Variants in KCNMA1 observed in about 807,000 individuals in gnomAD.
KCNMA1 encodes the protein potassium calcium-activated channel subfamily M alpha 1.
A neutral mutation model predicts 140.0 loss-of-function variants in KCNMA1; 29 were observed. The ratio of observed to expected loss-of-function variants is 0.21; its 90% CI spans 0.15 to 0.28. The LOEUF (loss-of-function observed/expected upper bound fraction) is 0.28, where lower values mean the gene tolerates loss of function less well. KCNMA1 is among the 10% of genes least tolerant of loss of function. KCNMA1 has a pLI of 1.00. For missense variants in KCNMA1, 880 were observed against 1,602.2 expected (o/e 0.55, Z 7.70); for synonymous variants, 612 against 611.9 (o/e 1.00, Z 0.00).
chr10:77,460,632 A>G (rs774032116), intron 1 of KCNMA1, among the ~76,000 whole-genome samples: 8 of 152,174 alleles, frequency 5.3e-5, no homozygotes, highest in Admixed American at 2.0e-4. Context: ...AGGGAACTGG[A>G]GGCCGTTATC....
chr10:76,959,594 C>T (rs552648819), intron 20 of KCNMA1, among the ~76,000 whole-genome samples: 42 of 152,270 alleles, frequency 2.8e-4, no homozygotes, highest in African/African-American at 9.9e-4. Flanking sequence ...GGTTATCATC[C>T]TTTATACTTT....
intron 1 of KCNMA1, among the ~76,000 whole-genome samples, chr10:77,501,656 C>T (rs971958598): frequency 6.6e-6 from 1 of 152,212 alleles, no homozygotes; most frequent in African/African-American, 2.4e-5. Flanking sequence ...GAGGCTGACC[C>T]GATCTGGGCC....
chr10:77,057,307 C>G (rs2153655132), intron 14 of KCNMA1, among the ~76,000 whole-genome samples: 1 of 152,214 alleles, frequency 6.6e-6, no homozygotes, highest in Admixed American at 6.5e-5. Context: ...ATTCTATATC[C>G]ACCAAAATGT....
At chr10:77,369,894 C>T (rs1566333360) in intron 2 of KCNMA1, among the ~76,000 whole-genome samples, 1 of 152,214 alleles carries the variant, frequency 6.6e-6, no homozygotes, top group Non-Finnish European at 1.5e-5. Flanking sequence ...ATCCATCTCA[C>T]ATACCTGCTG....
At chr10:77,293,298 C>G (rs1316409945) in intron 2 of KCNMA1, among the ~76,000 whole-genome samples, 1 of 152,114 alleles carries the variant, frequency 6.6e-6, no homozygotes. Context: ...CAGGCATATC[C>G]CCATCTTGAA....
rs1555337767 is a variant in KCNMA1, at chr10:77,439,149, A to AGAGAAGAG, written c.379-35127_379-35126insCTCTTCTC. ...AGAGAAGAGAAGAGAAGAGAAGAGA[A>AGAGAAGAG]AAGAGAAGAGAAGAAAAGAAAAGAG... On this transcript the variant is annotated intron_variant, in intron 1 of 27. Transcript: ENST00000286628. 5.0e-3 allele frequency among the ~76,000 whole-genome samples: 423 copies of AGAGAAGAG among 85,256 alleles called. 5 individuals are homozygous for AGAGAAGAG. The highest frequency in any genetic ancestry group is 0.012 in the African/African-American group (262 of 22,516). 55.9% of individuals were successfully genotyped at this position (85,256 alleles called of 152,430 possible).
rs543449959 is a variant in KCNMA1 at position 77,206,163 on chromosome 10, C to T, written c.603-21247G>A. Among the ~76,000 whole-genome samples the T allele has an allele frequency of 7.2e-5, 11 of 152,172 alleles. No individual in the cohort carries two copies. The South Asian group carries it at 2.3e-3, about 32-fold the overall frequency. On this transcript the variant is annotated intron_variant, in intron 3 of 27. Transcript: ENST00000286628. ...AGCTTAAGAACAATCTCTTTACATA[C>T]AAAATACTTTTTCTCAGTTAAAAAA...
intron 2 of KCNMA1, among the ~76,000 whole-genome samples, chr10:77,333,431 AAAGAAAAGAG>A (rs1566041942): frequency 1.3e-5 from 2 of 151,576 alleles, no homozygotes; most frequent in African/African-American, 2.4e-5. Context: ...AAAGAGAAGA[AAAGAAAAGAG>A]AAGAAAAGAA....
intron 3 of KCNMA1, among the ~76,000 whole-genome samples, chr10:77,210,572 G>C (rs1305904551): frequency 5.3e-5 from 8 of 152,018 alleles, no homozygotes; most frequent in Non-Finnish European, 1.2e-4. Context: ...TGAGCAACCA[G>C]GCAAGAGAAA....
chr10:76,920,347 G>A (rs939006191), intron 23 of KCNMA1, among the ~76,000 whole-genome samples: 2 of 151,910 alleles, frequency 1.3e-5, no homozygotes, highest in Admixed American at 6.6e-5. Flanking sequence ...TTTTGCTCAC[G>A]TAATAACTTC....
At chr10:77,377,442 T>G (rs1221143712) in intron 2 of KCNMA1, among the ~76,000 whole-genome samples, 1 of 152,008 alleles carries the variant, frequency 6.6e-6, no homozygotes, top group Admixed American at 6.6e-5. Flanking sequence ...GATTTTCCAG[T>G]AGGGAAGTGG....
At chr10:77,543,691 A>G (rs957521661) in intron 1 of KCNMA1, among the ~76,000 whole-genome samples, 2 of 152,232 alleles carry the variant, frequency 1.3e-5, no homozygotes, top group African/African-American at 4.8e-5. Context: ...GTAAACTAGA[A>G]CAGAAAGAAT....
intron 1 of KCNMA1, among the ~76,000 whole-genome samples, chr10:77,468,186 T>C (rs551792980): frequency 6.6e-6 from 1 of 152,198 alleles, no homozygotes; most frequent in South Asian, 2.1e-4. Flanking sequence ...TTTTGTATTT[T>C]TGGTAGAGAC....
At chr10:77,180,994 C>T (rs554518836) in intron 5 of KCNMA1, among the ~76,000 whole-genome samples, 2 of 152,270 alleles carry the variant, frequency 1.3e-5, no homozygotes, top group Admixed American at 6.5e-5. Flanking sequence ...TAAAATGCTT[C>T]AGGGAACGTG....
At chr10:76,898,068 G>A (rs2043368566) in intron 25 of KCNMA1, among the ~76,000 whole-genome samples, 1 of 151,752 alleles carries the variant, frequency 6.6e-6, no homozygotes, top group African/African-American at 2.4e-5. Context: ...ATAGAAGCAT[G>A]TAAAAAACAT....
At chr10:77,563,465 G>T (rs2067076991) in intron 1 of KCNMA1, among the ~76,000 whole-genome samples, 1 of 152,026 alleles carries the variant, frequency 6.6e-6, no homozygotes, top group African/African-American at 2.4e-5. Context: ...CGAGAGTCCA[G>T]GCTACCCAGA....
At chr10:77,495,570 T>C (rs775528651) in intron 1 of KCNMA1, among the ~76,000 whole-genome samples, 5 of 152,194 alleles carry the variant, frequency 3.3e-5, no homozygotes, top group Non-Finnish European at 5.9e-5. Context: ...TTCTCATTCA[T>C]GAAAGGGAGA....
At chr10:77,436,200 T>G (rs900125891) in intron 1 of KCNMA1, among the ~76,000 whole-genome samples, 1 of 152,218 alleles carries the variant, frequency 6.6e-6, no homozygotes, top group African/African-American at 2.4e-5. Context: ...AAAGCTGGCC[T>G]TCACAGGCCA....
chr10:77,069,823 C>CT (rs552135880), intron 14 of KCNMA1, among the ~76,000 whole-genome samples: 61 of 151,978 alleles, frequency 4.0e-4, no homozygotes, highest in Non-Finnish European at 7.7e-4. Context: ...CTTTTTCTTT[C>CT]TTTTTTGGAG....
Sources: allele counts gnomAD v4.1 joint callset (sites outside exome capture counted in the v4.1 genomes callset), GRCh38; gene constraint gnomAD v4.1.1; transcripts MANE v1.5; gene names NCBI Gene and HGNC (gene_info 2026-07-23, HGNC 2026-07-21).